The following MAU2 variants were observed in gnomAD, a reference collection of about 807,000 sequenced individuals.
MAU2 encodes the protein MAU2 sister chromatid cohesion factor.
MAU2 carries 9 observed loss-of-function variants against 89.1 expected under a neutral mutation model. The observed-to-expected ratio is 0.10, with a 90% CI of 0.06 to 0.18. The LOEUF (loss-of-function observed/expected upper bound fraction) is 0.18. MAU2 is among the 10% of genes least tolerant of loss of function. The probability of loss-of-function intolerance (pLI) is 1.00; values close to 1 mark genes in which losing one functional copy is unlikely to be tolerated. For synonymous variants in MAU2, 357 were observed against 343.4 expected, an observed-to-expected ratio of 1.04 and a Z score of -0.44; for missense variants, 425 against 803.5, an observed-to-expected ratio of 0.53 and a Z score of 5.69.
rs1334416986 is a variant in MAU2 at position 19,345,012 on chromosome 19, G to A, written c.1155+86G>A. On this transcript the variant is annotated intron_variant, in intron 11 of 18. Coordinates refer to ENST00000262815, the MANE Select transcript of MAU2 (RefSeq NM_015329.4). This position sits in a 1 kb window ranked among gnomAD's most constrained non-coding sequence, Gnocchi z 4.9. ...TAACCAGATCCAGAACATTCCCAGT[G>A]AAGGACCCCCTGACAGCACCCTAAT... 1.6e-6 allele frequency: 2 copies of A among 1,253,316 alleles called. No homozygotes were observed. The highest frequency in any genetic ancestry group is 2.3e-6 in the Non-Finnish European group (2 of 870,700). 77.6% of individuals were successfully genotyped at this position (1,253,316 alleles called of 1,614,324 possible). A position where few individuals can be genotyped will look rare whatever the true frequency, so the allele number is the denominator to read the frequency against.
chr19:19,355,196 G>A, intron 17 of MAU2, 68 bp from the exon 18 acceptor site: 1 of 1,599,868 alleles, frequency 6.3e-7, no homozygotes, highest in Non-Finnish European at 8.5e-7. Context: ...GGCTCCATCT[G>A]CACCGAGTGG....
intron 1 of MAU2, among the ~76,000 whole-genome samples, chr19:19,327,228 TCTC>T (rs2061517278): frequency 3.3e-5 from 5 of 151,586 alleles, no homozygotes. Flanking sequence ...TTCAGACTAT[TCTC>T]CTGCCTCAGC....
rs750602422 is a variant in MAU2 at position 19,355,407 on chromosome 19, T to C, written c.1767+16T>C. 1.2e-5 allele frequency: 20 copies of C among 1,613,210 alleles called. No homozygotes were observed. The highest frequency in any genetic ancestry group is 1.7e-5 in the Non-Finnish European group (20 of 1,179,854). ...CCTCATCACGGTACGGGTGTGGGTG[T>C]TAGGGGACGGGATCAGGACTAGCGG... is the stretch of plus-strand genomic sequence containing the variant. On this transcript the variant is annotated intron_variant, in intron 18 of 18. Coordinates refer to ENST00000262815, the MANE Select transcript of MAU2 (RefSeq NM_015329.4).
At position 19,355,932 on chromosome 19, in the gene MAU2, T is replaced by A. The variant is rs1372906136; in HGVS notation, c.*150T>A. 1.3e-5 allele frequency: 10 copies of A among 791,616 alleles called. No individual in the cohort carries two copies. The highest frequency in any genetic ancestry group is 1.7e-5 in the African/African-American group (1 of 59,036). 49.0% of individuals were successfully genotyped at this position (791,616 alleles called of 1,614,324 possible). The stretch of plus-strand genomic sequence containing the variant: ...GAATGTGCGGGGCCAGTCCCTGCCC[T>A]CCCAGGAGGGGTGGTAGCCGTTCCC... On this transcript the variant is annotated 3_prime_UTR_variant, in exon 19 of 19. Transcript: ENST00000262815.
intron 18 of MAU2, 130 bp from the exon 19 acceptor site, chr19:19,355,578 G>T: frequency 8.5e-7 from 1 of 1,183,016 alleles, no homozygotes; most frequent in East Asian, 2.4e-5. Context: ...TCTCCTCGGG[G>T]CCCATTGGAC....
chr19:19,334,351 T>C (rs1218571297), intron 1 of MAU2: 1 of 985,610 alleles, frequency 1.0e-6, no homozygotes, highest in Non-Finnish European at 1.2e-6. Flanking sequence ...TGCATGTGTG[T>C]CAGGGGCTCG....
intron 1 of MAU2, 63 bp downstream of exon 1, chr19:19,321,198 G>A: frequency 2.8e-6 from 4 of 1,436,828 alleles, no homozygotes; most frequent in South Asian, 1.5e-5. Flanking sequence ...GGGCTGACGG[G>A]TCGCGACCGC....
chr19:19,342,986 C>G, intron 9 of MAU2, 120 bp downstream of exon 9: 1 of 1,019,152 alleles, frequency 9.8e-7, no homozygotes, highest in Non-Finnish European at 1.5e-6. Flanking sequence ...GCCACCCTGC[C>G]TGGTGGGTCT....
intron 1 of MAU2, among the ~76,000 whole-genome samples, chr19:19,329,257 C>G (rs3764567): frequency 6.6e-6 from 1 of 151,008 alleles, no homozygotes; most frequent in Non-Finnish European, 1.5e-5. Context: ...CTGGCCGTTA[C>G]GCAGTTTCAT....
intron 14 of MAU2, 82 bp from the exon 15 acceptor site, chr19:19,349,073 A>G (rs932149502): frequency 1.9e-6 from 3 of 1,574,156 alleles, no homozygotes; most frequent in South Asian, 2.2e-5. Context: ...GCTCTCAGAA[A>G]TAGCCCCCAG....
intron 9 of MAU2, among the ~76,000 whole-genome samples, chr19:19,343,629 A>G (rs1203841916): frequency 6.6e-6 from 1 of 152,182 alleles, no homozygotes; most frequent in Non-Finnish European, 1.5e-5. Context: ...GCACTGTGGG[A>G]ACCAACCTCT....
chr19:19,330,216 G>A (rs2061544788), intron 1 of MAU2, among the ~76,000 whole-genome samples: 2 of 151,772 alleles, frequency 1.3e-5, no homozygotes, highest in Non-Finnish European at 2.9e-5. Context: ...CTGAGCTCAA[G>A]CAGTCCACCT....
chr19:19,341,162 C>T, intron 6 of MAU2, 90 bp from the exon 7 acceptor site: 1 of 1,462,884 alleles, frequency 6.8e-7, no homozygotes, highest in Non-Finnish European at 9.2e-7. Flanking sequence ...GCAGCAGTCC[C>T]AGGGCAGGTG....
chr19:19,325,177 A>G (rs961379621), intron 1 of MAU2, among the ~76,000 whole-genome samples: 3 of 151,482 alleles, frequency 2.0e-5, no homozygotes, highest in Non-Finnish European at 2.9e-5. Context: ...CTTTTATTTT[A>G]TTTATTTATT....
At chr19:19,326,392 G>A (rs981492071) in intron 1 of MAU2, among the ~76,000 whole-genome samples, 2 of 150,068 alleles carry the variant, frequency 1.3e-5, no homozygotes, top group African/African-American at 2.4e-5. Flanking sequence ...GTCTCTACCA[G>A]AAAAAAAAAT....
At chr19:19,331,296 G>A (rs1264405528) in intron 1 of MAU2, among the ~76,000 whole-genome samples, 1 of 151,912 alleles carries the variant, frequency 6.6e-6, no homozygotes, top group Non-Finnish European at 1.5e-5. Context: ...TCAGGAGACC[G>A]AGACCGTCCT....
At position 19,354,443 on chromosome 19, in the gene MAU2, G is replaced by A; in HGVS notation, c.1637G>A (p.Arg546Lys). ...CAGCTGTGGTCGTCAGCACTGCTGA[G>A]AGGTGAGTGCAATGGCCACCCCTCT... ...SVQLWSSALL[R>K]DLNKACGNAM... Residue 546 changes from arginine to lysine, a missense_variant and splice_region_variant, in exon 17 of 19, where the codon AGA (arginine) becomes AAA (lysine). Physicochemically the swap from Arg to Lys is conservative, Grantham distance 26. Coordinates refer to ENST00000262815, the MANE Select transcript of MAU2 (RefSeq NM_015329.4). The A allele has an allele frequency of 1.2e-6, 2 of 1,613,158 alleles. No individual in the cohort carries two copies. The highest frequency in any genetic ancestry group is 1.7e-6 in the Non-Finnish European group (2 of 1,179,708).
Position 19,345,100 on chromosome 19 carries a change from C to A in MAU2, c.1155+174C>A. ...TTCCCAGGCACGATCCGGAATGCTC[C>A]CAGTGAGCATCTTGTCCCACCCCAC... On this transcript the variant is annotated intron_variant, in intron 11 of 18. Transcript: ENST00000262815. The surrounding 1 kb of genome is among the most constrained non-coding windows in gnomAD (Gnocchi z 4.9). 1 of 730,828 alleles carries A rather than the reference C, an allele frequency of 1.4e-6. No homozygotes were observed. The highest frequency in any genetic ancestry group is 2.3e-6 in the Non-Finnish European group (1 of 429,586). 45.3% of individuals were successfully genotyped at this position (730,828 alleles called of 1,614,324 possible).
intron 6 of MAU2, 41 bp downstream of exon 6, chr19:19,340,914 TGGA>T: frequency 6.2e-7 from 1 of 1,611,718 alleles, no homozygotes; most frequent in Non-Finnish European, 8.5e-7. Flanking sequence ...GCTGGTGTTG[TGGA>T]GGTGAGGCAG....
Sources: gnomAD v4.1 joint callset for allele counts (sites outside exome capture counted in the v4.1 genomes callset) on GRCh38, gnomAD v4.1.1 for gene constraint, Gnocchi (gnomAD v3.1) non-coding constraint, MANE v1.5 for transcripts, NCBI Gene and HGNC (gene_info 2026-07-23, HGNC 2026-07-21) for gene names.